The following LIFR variants were observed in gnomAD, a reference collection of about 807,000 sequenced individuals.
LIFR encodes leukemia inhibitory factor receptor.
Under a neutral mutation model 122.2 loss-of-function variants are expected in LIFR, and 84 were observed. That is an observed-to-expected ratio of 0.69 (90% CI 0.58 to 0.82). The LOEUF is 0.82. Among genes scored for constraint, LIFR ranks in the 40% least tolerant of loss-of-function variants. The pLI is 0.00. For missense variants in LIFR, 1,294 were observed against 1,311.6 expected (o/e 0.99, Z 0.21); for synonymous variants, 422 against 434.7 (o/e 0.97, Z 0.36).
upstream of LIFR, among the ~76,000 whole-genome samples, chr5:38,595,989 G>A (rs200419152): frequency 1.3e-5 from 2 of 151,970 alleles, no homozygotes; most frequent in East Asian, 3.9e-4. Flanking sequence ...ACCTGCCTCG[G>A]CCTCCCAAAG....
Position 38,536,385 on chromosome 5 carries a change from A to G in LIFR, c.-19-5719T>C, listed in dbSNP as rs908274934. Among the ~76,000 whole-genome samples, 8 of 152,348 alleles carry G rather than the reference A, an allele frequency of 5.3e-5. No homozygotes were observed. In the East Asian group the frequency reaches 7.7e-4, roughly 15 times the overall value. On this transcript the variant is annotated intron_variant, in intron 1 of 19. Coordinates refer to ENST00000453190, the MANE Select transcript of LIFR (RefSeq NM_001127671.2). ...AAAAAGTACCGTTTAACAACTGCTT[A>G]CATAGCATTAACACTGTATTAGGGA...
chr5:38,523,351 A>C, intron 5 of LIFR, 68 bp downstream of exon 5: 1 of 1,329,758 alleles, frequency 7.5e-7, no homozygotes, highest in South Asian at 1.3e-5. Context: ...ATACCACCTT[A>C]AGGCTTCTTA....
chr5:38,493,601 C>A lies in LIFR; in HGVS notation c.2065+5G>T. 2 of 1,613,022 alleles carry A rather than the reference C, an allele frequency of 1.2e-6. No individual in the cohort carries two copies. The highest frequency in any genetic ancestry group is 8.5e-7 in the Non-Finnish European group (1 of 1,178,964). ...ACTTAATTGAGAGACACTAATTCAT[C>A]TTACCAGATTCTATTACAGTTTCAG... On this transcript the variant is annotated splice_donor_5th_base_variant and intron_variant, in intron 14 of 19. Transcript: ENST00000453190.
At chr5:38,598,026 GA>G (rs941613922), upstream of LIFR, among the ~76,000 whole-genome samples, 9 of 149,324 alleles carry the variant, frequency 6.0e-5, no homozygotes, top group Non-Finnish European at 7.4e-5. Flanking sequence ...GTGATAATAA[GA>G]AAAAAAAAGG....
intron 1 of LIFR, among the ~76,000 whole-genome samples, chr5:38,549,362 A>G (rs1450026638): frequency 6.6e-6 from 1 of 152,100 alleles, no homozygotes; most frequent in Non-Finnish European, 1.5e-5. Flanking sequence ...AATATTGAGT[A>G]TCTTTCCACA....
intron 9 of LIFR, 139 bp downstream of exon 9, chr5:38,505,766 T>C: frequency 2.8e-6 from 1 of 359,782 alleles, no homozygotes; most frequent in Non-Finnish European, 5.0e-6. Context: ...AAAGTTTTTA[T>C]AAATAAAATT....
rs773896661 is a variant in LIFR at position 38,530,624 on chromosome 5, CA to C, written c.23del (p.Leu8Ter). 3.7e-5 allele frequency: 60 copies of C among 1,613,720 alleles called. No individual in the cohort carries two copies. In the South Asian group the frequency reaches 6.5e-4, roughly 17 times the overall value. ...TGTCCACCATCCAGGATGGTCGTTTCAAACATACGTAAATATCCATCATCTG... is the reference window on the plus strand; with the variant it reads ...TGTCCACCATCCAGGATGGTCGTTTCAACATACGTAAATATCCATCATCTG... MMDIYVC[L>X]KRPSWMVDNK... On this transcript the variant is annotated frameshift_variant, in exon 2 of 20. Coordinates refer to ENST00000453190, the MANE Select transcript of LIFR (RefSeq NM_001127671.2). LOFTEE classifies it high-confidence loss of function.
At chr5:38,537,268 C>G (rs1747340565) in intron 1 of LIFR, among the ~76,000 whole-genome samples, 1 of 152,318 alleles carries the variant, frequency 6.6e-6, no homozygotes, top group South Asian at 2.1e-4. Context: ...GCAGCAGCTC[C>G]CCAAACACTC....
intron 1 of LIFR, among the ~76,000 whole-genome samples, chr5:38,580,702 C>A (rs1228152788): frequency 6.6e-6 from 1 of 152,160 alleles, no homozygotes; most frequent in Non-Finnish European, 1.5e-5. Context: ...CTTTCCTAAA[C>A]CTGCTCTTTT....
chr5:38,510,740 A>G lies in LIFR; in HGVS notation c.737-22T>C. 2 of 1,589,900 alleles carry G rather than the reference A, an allele frequency of 1.3e-6. 1 individual carries two copies. The highest frequency in any genetic ancestry group is 2.2e-5 in the South Asian group (2 of 90,100). On this transcript the variant is annotated intron_variant, in intron 6 of 19. Coordinates refer to ENST00000453190, the MANE Select transcript of LIFR (RefSeq NM_001127671.2). Reference sequence around the variant, plus strand: ...ATCCCTAGAAAGAAAAAGAGGAATTATAAACATTTTATATAGAAGTATTTT... The same window carrying G: ...ATCCCTAGAAAGAAAAAGAGGAATTGTAAACATTTTATATAGAAGTATTTT...
intron 5 of LIFR, among the ~76,000 whole-genome samples, chr5:38,512,883 A>G (rs1485580631): frequency 1.3e-5 from 2 of 152,206 alleles, no homozygotes; most frequent in African/African-American, 4.8e-5. Context: ...GGAGAGGGGC[A>G]GCATTTCAAT....
rs754058233 is a variant in LIFR, at chr5:38,528,826, A to G, written c.157T>C (p.Leu53=). The G allele has an allele frequency of 1.3e-6, 2 of 1,557,968 alleles. No individual in the cohort carries two copies. Among genetic ancestry groups the G allele is most frequent in the African/African-American group, 2.7e-5 (2 of 73,100 alleles). The change falls in exon 3 of 20, where the codon TTG becomes CTG. Residue 53 remains leucine, a synonymous_variant. Coordinates refer to ENST00000453190, the MANE Select transcript of LIFR (RefSeq NM_001127671.2). ...NSQKKGAPHD[L]KCVTNNLQVW... is the part of the protein sequence containing the mutation. ...TGCAAATTGTTAGTTACACACTTCA[A>G]ATCATGAGGAGCCCCTGGAGGAGAC...
intron 5 of LIFR, among the ~76,000 whole-genome samples, chr5:38,517,856 C>CA (rs572954936): frequency 0.36 from 5,373 of 14,802 alleles, 1,532 homozygotes; most frequent in Non-Finnish European, 0.41. Context: ...GACACTGTCT[C>CA]AAAAAAAAAA....
At chr5:38,506,476 C>G (rs1384573306) in intron 8 of LIFR, 27 bp downstream of exon 8, 3 of 1,613,672 alleles carry the variant, frequency 1.9e-6, no homozygotes, top group African/African-American at 2.7e-5. Flanking sequence ...TCCTTGCCAT[C>G]TGACATCTTT....
At chr5:38,593,877 G>A (rs1750013137) in intron 1 of LIFR, among the ~76,000 whole-genome samples, 1 of 152,194 alleles carries the variant, frequency 6.6e-6, no homozygotes, top group Admixed American at 6.5e-5. Context: ...TCTGCCTGGT[G>A]CCTTGATCTG....
chr5:38,584,727 T>C (rs957538774), intron 1 of LIFR, among the ~76,000 whole-genome samples: 1 of 152,028 alleles, frequency 6.6e-6, no homozygotes, highest in African/African-American at 2.4e-5. Flanking sequence ...TAGGGAGATG[T>C]AGGTCAAAGG....
chr5:38,527,221 T>C lies in LIFR; in HGVS notation c.331A>G (p.Thr111Ala), dbSNP rs777595385. The C allele has an allele frequency of 4.4e-6, 7 of 1,592,330 alleles. No individual in the cohort carries two copies. In the South Asian group the frequency reaches 6.6e-5, roughly 15 times the overall value. The stretch of plus-strand genomic sequence containing the variant: ...CCAAAATCATGTAGAGAATTTATTG[T>C]TATTTCATAATCACCATGTGAAAGA... ...PALSHGDYEITINSLHDFGSS... is the reference protein window; with the variant it reads ...PALSHGDYEIAINSLHDFGSS... Residue 111 changes from threonine to alanine, a missense_variant, in exon 4 of 20, where the codon ACA (threonine) becomes GCA (alanine). Transcript: ENST00000453190.
At chr5:38,548,628 C>T (rs1243638341) in intron 1 of LIFR, among the ~76,000 whole-genome samples, 2 of 152,104 alleles carry the variant, frequency 1.3e-5, no homozygotes, top group Non-Finnish European at 2.9e-5. Context: ...ACTCACATCC[C>T]ACTCTAACAC....
At chr5:38,531,314 G>T (rs889672550) in intron 1 of LIFR, among the ~76,000 whole-genome samples, 1 of 152,110 alleles carries the variant, frequency 6.6e-6, no homozygotes, top group African/African-American at 2.4e-5. Flanking sequence ...GAAAACTCTT[G>T]TGTCAGACCT....
Sources: gnomAD v4.1 joint callset for allele counts (sites outside exome capture counted in the v4.1 genomes callset) on GRCh38, gnomAD v4.1.1 for gene constraint, MANE v1.5 for transcripts, NCBI Gene and HGNC (gene_info 2026-07-23, HGNC 2026-07-21) for gene names.